Variants in RASAL2 observed in about 807,000 individuals in gnomAD.
The protein encoded by RASAL2 is ras GTPase-activating protein nGAP.
RASAL2 carries 58 observed loss-of-function variants against 128.9 expected under a neutral mutation model. The observed-to-expected ratio is 0.45, with a 90% CI of 0.36 to 0.56. RASAL2 has a LOEUF of 0.56. Among genes scored for constraint, RASAL2 ranks in the 20% least tolerant of loss-of-function variants. RASAL2 has a pLI of 0.00. For synonymous variants in RASAL2, 561 were observed against 580.8 expected (o/e 0.97, Z 0.49); for missense variants, 1,360 against 1,601.6 (o/e 0.85, Z 2.57).
intron 1 of RASAL2, among the ~76,000 whole-genome samples, chr1:178,102,314 A>G (rs993008864): frequency 1.3e-5 from 2 of 151,606 alleles, no homozygotes; most frequent in African/African-American, 2.4e-5. Flanking sequence ...GATAACTATC[A>G]TTTTTTTTTA....
chr1:178,352,780 C>T (rs1223605814), intron 3 of RASAL2, among the ~76,000 whole-genome samples: 3 of 152,238 alleles, frequency 2.0e-5, no homozygotes, highest in Non-Finnish European at 4.4e-5. Flanking sequence ...GGCAGAGGCT[C>T]CCAAGCCTCA....
intron 1 of RASAL2, among the ~76,000 whole-genome samples, chr1:178,141,193 C>CTTTTTTTTTTTTCTTTTTT: frequency 1.4e-5 from 1 of 73,936 alleles, no homozygotes; most frequent in Non-Finnish European, 2.4e-5. Flanking sequence ...CTTTTCTTTT[C>CTTTTTTTTTTTTCTTTTTT]TTTTTTTTTT....
chr1:178,198,555 T>A (rs970393289), intron 1 of RASAL2, among the ~76,000 whole-genome samples: 6 of 152,338 alleles, frequency 3.9e-5, no homozygotes, highest in Admixed American at 3.9e-4. Flanking sequence ...GTCAGGTCCC[T>A]CAGCTGCAGG....
intron 1 of RASAL2, chr1:178,125,579 A>G (rs1266700283): frequency 6.6e-6 from 1 of 152,218 alleles, no homozygotes; most frequent in South Asian, 2.1e-4. Context: ...TTTCAGAAGA[A>G]TAACAGTATA....
intron 3 of RASAL2, among the ~76,000 whole-genome samples, chr1:178,306,680 G>A (rs1273978309): frequency 6.6e-6 from 1 of 151,850 alleles, no homozygotes; most frequent in Admixed American, 6.6e-5. Flanking sequence ...GTGTTTTTTG[G>A]CTGCGTAAGT....
At chr1:178,172,917 A>T (rs1284272236) in intron 1 of RASAL2, among the ~76,000 whole-genome samples, 1 of 152,170 alleles carries the variant, frequency 6.6e-6, no homozygotes. Context: ...TCATCTATTT[A>T]CCTGGTAATT....
At chr1:178,399,626 G>A (rs911934268) in intron 4 of RASAL2, among the ~76,000 whole-genome samples, 3 of 152,200 alleles carry the variant, frequency 2.0e-5, no homozygotes, top group Non-Finnish European at 4.4e-5. Flanking sequence ...TGGAGGAAGT[G>A]TGACATTAAA....
chr1:178,152,004 A>G (rs1024887591), intron 1 of RASAL2, among the ~76,000 whole-genome samples: 3 of 152,060 alleles, frequency 2.0e-5, no homozygotes, highest in African/African-American at 7.2e-5. Flanking sequence ...GTGTTAGGAG[A>G]GTGTTTTGTT....
chr1:178,346,119 A>T lies in RASAL2; in HGVS notation c.458-43981A>T, dbSNP rs550808612. On this transcript the variant is annotated intron_variant, in intron 3 of 17. Transcript: ENST00000367649. ...TTAATTGAAATATTTTATCTTTCAT[A>T]TAGTTTGCCACATCAGCCAGGTTCA... 4.6e-5 allele frequency among the ~76,000 whole-genome samples: 7 copies of T among 152,298 alleles called. No homozygotes were observed. The East Asian group carries it at 9.6e-4, about 21-fold the overall frequency.
chr1:178,327,363 C>T (rs905141557), intron 3 of RASAL2, among the ~76,000 whole-genome samples: 11 of 151,574 alleles, frequency 7.3e-5, no homozygotes, highest in African/African-American at 2.2e-4. Flanking sequence ...ATTTATATTT[C>T]GAGAAAGGGT....
intron 3 of RASAL2, among the ~76,000 whole-genome samples, chr1:178,313,352 G>T (rs748198250): frequency 6.6e-6 from 1 of 152,140 alleles, no homozygotes; most frequent in Non-Finnish European, 1.5e-5. Context: ...AATATTTGAT[G>T]TTAACTACCA....
chr1:178,445,564 A>C lies in RASAL2; in HGVS notation c.1529A>C (p.Glu510Ala). 1 of 1,613,846 alleles carries C rather than the reference A, an allele frequency of 6.2e-7. No individual in the cohort carries two copies. Among genetic ancestry groups the C allele is most frequent in the Non-Finnish European group, 8.5e-7 (1 of 1,179,818 alleles). Residue 510 changes from glutamate (E) to alanine (A), a missense_variant, in exon 9 of 18, where the codon GAG (glutamate) becomes GCG (alanine). Glu to Ala is a moderately radical substitution (Grantham distance 107). This residue lies in a region of RASAL2 where 617 missense variants were observed against 714.2 expected (regional missense o/e 0.86). Coordinates refer to ENST00000367649, the MANE Select transcript of RASAL2 (RefSeq NM_170692.4). Reference sequence around the variant, plus strand: ...ATGTCTGAGGTGGATCGTTGTGGAGAGCATGATGTCTTGATCTTCAGAGAG... The same window carrying C: ...ATGTCTGAGGTGGATCGTTGTGGAGCGCATGATGTCTTGATCTTCAGAGAG... ...LVMSEVDRCG[E>A]HDVLIFRENT...
intron 3 of RASAL2, among the ~76,000 whole-genome samples, chr1:178,366,460 GTGGTTTTGGTTTCT>G (rs1262547533): frequency 1.3e-5 from 2 of 152,068 alleles, no homozygotes; most frequent in Non-Finnish European, 2.9e-5. Flanking sequence ...GACTGAGTTA[GTGGTTTTGGTTTCT>G]TCAAGAAGGA....
intron 1 of RASAL2, among the ~76,000 whole-genome samples, chr1:178,190,000 A>G (rs896391902): frequency 2.0e-5 from 3 of 151,960 alleles, no homozygotes; most frequent in African/African-American, 7.3e-5. Flanking sequence ...CAAGGGGGCA[A>G]GGGTGTGCTA....
chr1:178,152,564 C>T (rs1660948788), intron 1 of RASAL2, among the ~76,000 whole-genome samples: 1 of 152,062 alleles, frequency 6.6e-6, no homozygotes, highest in Non-Finnish European at 1.5e-5. Context: ...ACTCGGGAGG[C>T]TGAGGCAGGA....
intron 17 of RASAL2, among the ~76,000 whole-genome samples, chr1:178,471,954 C>G (rs914273950): frequency 6.6e-6 from 1 of 152,126 alleles, no homozygotes; most frequent in African/African-American, 2.4e-5. Flanking sequence ...TTTAAAAACC[C>G]CTAAGGTAGT....
intron 1 of RASAL2, among the ~76,000 whole-genome samples, chr1:178,157,392 A>G (rs925989230): frequency 1.3e-5 from 2 of 152,168 alleles, no homozygotes; most frequent in African/African-American, 4.8e-5. Context: ...ATCTACTCAG[A>G]CTTTCCCCAT....
chr1:178,337,218 G>A (rs1239170934), intron 3 of RASAL2, among the ~76,000 whole-genome samples: 1 of 152,154 alleles, frequency 6.6e-6, no homozygotes, highest in Non-Finnish European at 1.5e-5. Flanking sequence ...CTAAACACTT[G>A]TAAGTACTTT....
chr1:178,296,362 G>A (rs1013543463), intron 2 of RASAL2, among the ~76,000 whole-genome samples: 55 of 151,796 alleles, frequency 3.6e-4, no homozygotes, highest in African/African-American at 1.1e-3. Flanking sequence ...GCTCGGTTTT[G>A]TTTGTTTGTT....
Sources: allele counts gnomAD v4.1 joint callset (sites outside exome capture counted in the v4.1 genomes callset), GRCh38; gene constraint gnomAD v4.1.1; regional missense constraint gnomAD v4.1.1; transcripts MANE v1.5; gene names NCBI Gene and HGNC (gene_info 2026-07-23, HGNC 2026-07-21).